The following FMN2 variants were observed in gnomAD, a reference collection of about 807,000 sequenced individuals.
FMN2 encodes formin 2.
FMN2 carries 51 observed loss-of-function variants against 142.3 expected under a neutral mutation model. The ratio of observed to expected loss-of-function variants is 0.36; its 90% CI spans 0.29 to 0.45. FMN2 has a LOEUF of 0.45. Among genes scored for constraint, FMN2 ranks in the 20% least tolerant of loss-of-function variants. FMN2 has a pLI of 1.00. For synonymous variants in FMN2, 882 were observed against 869.8 expected, an observed-to-expected ratio of 1.01 and a Z score of -0.25; for missense variants, 1,936 against 2,122.8, an observed-to-expected ratio of 0.91 and a Z score of 1.73.
chr1:240,140,526 GATAT>G (rs1288613613), intron 2 of FMN2, among the ~76,000 whole-genome samples: 1 of 152,114 alleles, frequency 6.6e-6, no homozygotes, highest in Non-Finnish European at 1.5e-5. Flanking sequence ...TCCTCCTTTG[GATAT>G]ATAGTCTGTA....
intron 15 of FMN2, among the ~76,000 whole-genome samples, chr1:240,430,485 A>C (rs1423422629): frequency 1.3e-5 from 2 of 151,980 alleles, no homozygotes; most frequent in African/African-American, 4.8e-5. Context: ...AAATGAAAGG[A>C]ATTTTTACTT....
At chr1:240,271,098 G>GTTTTTTTTTTTTTTTGT (rs1668992569) in intron 7 of FMN2, among the ~76,000 whole-genome samples, 2 of 72,242 alleles carry the variant, frequency 2.8e-5, no homozygotes, top group African/African-American at 1.3e-4. Context: ...TTCCACGATG[G>GTTTTTTTTTTTTTTTGT]TTTTTTTTTT....
chr1:240,459,990 A>G (rs1185430552), intron 16 of FMN2, among the ~76,000 whole-genome samples: 2 of 152,148 alleles, frequency 1.3e-5, no homozygotes, highest in African/African-American at 2.4e-5. Context: ...TTTCAGATTT[A>G]TACTGACTAC....
chr1:240,202,886 C>T (rs866917424), intron 4 of FMN2, among the ~76,000 whole-genome samples: 1 of 152,178 alleles, frequency 6.6e-6, no homozygotes, highest in South Asian at 2.1e-4. Flanking sequence ...CATTTACAAA[C>T]TGAGTTTTGG....
In FMN2 at chr1:240,095,959, G is replaced by A. The variant is rs571208872; in HGVS notation, c.1615+2235G>A. On this transcript the variant is annotated intron_variant, in intron 1 of 17. Transcript: ENST00000319653. The stretch of plus-strand genomic sequence containing the variant: ...ATTTTGTATTTGATGGTTGGATACA[G>A]CTGGTTGGTAATCAGCAAATATATT... 1.6e-4 allele frequency among the ~76,000 whole-genome samples: 25 copies of A among 152,272 alleles called. 1 individual carries two copies. The highest frequency in any genetic ancestry group is 6.0e-4 in the African/African-American group (25 of 41,572).
intron 7 of FMN2, among the ~76,000 whole-genome samples, chr1:240,291,952 C>T (rs184371589): frequency 1.3e-5 from 2 of 151,966 alleles, no homozygotes; most frequent in Non-Finnish European, 1.5e-5. Context: ...CCACAAAAAC[C>T]CCAAACCAAA....
chr1:240,282,956 T>A (rs2102941191), intron 7 of FMN2, among the ~76,000 whole-genome samples: 1 of 152,286 alleles, frequency 6.6e-6, no homozygotes, highest in Admixed American at 6.5e-5. Context: ...GTGTGCAGAT[T>A]TTCAGCTGGA....
intron 14 of FMN2, among the ~76,000 whole-genome samples, chr1:240,387,780 A>G (rs1572256352): frequency 6.6e-6 from 1 of 152,194 alleles, no homozygotes; most frequent in Admixed American, 6.5e-5. Context: ...ATTGCAAGCA[A>G]TGCATCTCCA....
intron 14 of FMN2, among the ~76,000 whole-genome samples, chr1:240,363,911 C>G (rs1672575302): frequency 6.6e-6 from 1 of 152,080 alleles, no homozygotes. Flanking sequence ...GGGAGACTTC[C>G]CTGCCTCTGC....
chr1:240,372,639 C>CTTT (rs748480743), intron 14 of FMN2, among the ~76,000 whole-genome samples: 5 of 114,842 alleles, frequency 4.4e-5, no homozygotes, highest in Admixed American at 2.7e-4. Context: ...GGAAGAATTT[C>CTTT]TTTTTTTTTT....
intron 2 of FMN2, among the ~76,000 whole-genome samples, chr1:240,165,479 A>AGTT (rs36089261): frequency 0.33 from 49,604 of 151,858 alleles, 9,035 homozygotes; most frequent in African/African-American, 0.5. Flanking sequence ...TCTTTGCTGA[A>AGTT]GTCTATTTTG....
At chr1:240,291,183 A>G (rs940398532) in intron 7 of FMN2, among the ~76,000 whole-genome samples, 28 of 152,216 alleles carry the variant, frequency 1.8e-4, no homozygotes, top group African/African-American at 6.5e-4. Flanking sequence ...CGTTGTTTTA[A>G]TCCTGGAAAT....
At chr1:240,150,448 C>T (rs1409763354) in intron 2 of FMN2, among the ~76,000 whole-genome samples, 2 of 152,130 alleles carry the variant, frequency 1.3e-5, no homozygotes, top group South Asian at 2.1e-4. Context: ...TTTTACAACG[C>T]GAGACCAAGA....
intron 7 of FMN2, among the ~76,000 whole-genome samples, chr1:240,274,498 A>G (rs1669127647): frequency 1.3e-5 from 2 of 151,926 alleles, no homozygotes; most frequent in African/African-American, 4.8e-5. Context: ...TCTGCGGGGG[A>G]GGGAGATCAT....
At chr1:240,165,202 G>T (rs1482369659) in intron 2 of FMN2, among the ~76,000 whole-genome samples, 2 of 152,096 alleles carry the variant, frequency 1.3e-5, no homozygotes, top group African/African-American at 2.4e-5. Context: ...TTAAATCAGG[G>T]TCTCATGTTG....
intron 15 of FMN2, among the ~76,000 whole-genome samples, chr1:240,403,726 ATTAAAC>A (rs1674062222): frequency 6.6e-6 from 1 of 152,350 alleles, no homozygotes; most frequent in East Asian, 1.9e-4. Context: ...AAATAGCACA[ATTAAAC>A]TTAGAGAATT....
Position 240,115,828 on chromosome 1 carries a change from C to T in FMN2, c.1616-7351C>T, listed in dbSNP as rs550728340. 3.9e-5 allele frequency among the ~76,000 whole-genome samples: 6 copies of T among 152,134 alleles called. 1 individual carries two copies. In the South Asian group the frequency reaches 8.3e-4, roughly 21 times the overall value. ...AATAAAAGGGTGGCTACCCCATAGGCGGAGCAGCCCTGAGGGCTTCTGACT... is the reference window on the plus strand; with the variant it reads ...AATAAAAGGGTGGCTACCCCATAGGTGGAGCAGCCCTGAGGGCTTCTGACT... On this transcript the variant is annotated intron_variant, in intron 1 of 17. Transcript: ENST00000319653.
intron 7 of FMN2, among the ~76,000 whole-genome samples, chr1:240,291,399 G>A (rs1330554485): frequency 6.6e-6 from 1 of 152,216 alleles, no homozygotes; most frequent in East Asian, 1.9e-4. Flanking sequence ...ATTGTAAAGA[G>A]TCGCAGACAA....
intron 1 of FMN2, among the ~76,000 whole-genome samples, chr1:240,111,210 A>G (rs527686898): frequency 3.9e-5 from 6 of 152,326 alleles, no homozygotes; most frequent in Admixed American, 1.3e-4. Flanking sequence ...ACCAGGGGTT[A>G]TGTAACCTGT....
Sources: allele counts gnomAD v4.1 joint callset (sites outside exome capture counted in the v4.1 genomes callset), GRCh38; gene constraint gnomAD v4.1.1; transcripts MANE v1.5; gene names NCBI Gene and HGNC (gene_info 2026-07-23, HGNC 2026-07-21).